GLIS3: variants seen among roughly 807,000 people sequenced by gnomAD.
GLIS3 encodes the protein GLIS family zinc finger 3, also known as zinc finger protein GLIS3.
In GLIS3, 53 loss-of-function variants were observed where a neutral mutation model predicts 78.6. That is an observed-to-expected ratio of 0.67 (90% CI 0.54 to 0.85). The LOEUF is 0.85. Among genes scored for constraint, GLIS3 ranks in the 40% least tolerant of loss-of-function variants. The pLI is 0.00. For synonymous variants in GLIS3, 684 were observed against 509.9 expected (o/e 1.34, Z -4.60); for missense variants, 1,703 against 1,231.1 (o/e 1.38, Z -5.74).
chr9:4,248,706 C>A (rs1433087496), intron 2 of GLIS3, among the ~76,000 whole-genome samples: 2 of 152,242 alleles, frequency 1.3e-5, no homozygotes, highest in African/African-American at 4.8e-5. Flanking sequence ...CTCCCACCAA[C>A]AGTGTAAAAG....
chr9:3,877,360 A>C (rs757310317), intron 8 of GLIS3, among the ~76,000 whole-genome samples: 9 of 152,242 alleles, frequency 5.9e-5, no homozygotes, highest in Non-Finnish European at 1.2e-4. Context: ...TGCTTTGCTG[A>C]CAGATCTTGT....
At chr9:4,420,410 T>G in the GLIS3 span, among the ~76,000 whole-genome samples, 1 of 152,322 alleles carries the variant, frequency 6.6e-6, no homozygotes, top group African/African-American at 2.4e-5. Flanking sequence ...AATTAGATGA[T>G]TATCTAGCTA....
At chr9:3,854,165 A>G (rs1029409396) in intron 9 of GLIS3, among the ~76,000 whole-genome samples, 1 of 152,194 alleles carries the variant, frequency 6.6e-6, no homozygotes. Flanking sequence ...CAGAGTAGAT[A>G]AACTCCTCGA....
At chr9:4,300,161 A>C (rs1817000940), upstream of GLIS3, among the ~76,000 whole-genome samples, 1 of 151,190 alleles carries the variant, frequency 6.6e-6, no homozygotes, top group African/African-American at 2.4e-5. Flanking sequence ...GCGGGTCACT[A>C]GGCTGGCCAA....
intron 2 of GLIS3, among the ~76,000 whole-genome samples, chr9:4,252,911 G>C (rs976556323): frequency 6.6e-6 from 1 of 152,186 alleles, no homozygotes; most frequent in African/African-American, 2.4e-5. Flanking sequence ...CTCCACTCCA[G>C]ACCCTGTTTG....
intron 4 of GLIS3, among the ~76,000 whole-genome samples, chr9:4,045,954 G>A (rs890806527): frequency 1.3e-5 from 2 of 152,024 alleles, no homozygotes; most frequent in African/African-American, 2.4e-5. Context: ...AGATCGGGGG[G>A]GAAATCATAA....
At chr9:4,205,550 G>A (rs1371211595) in intron 2 of GLIS3, among the ~76,000 whole-genome samples, 2 of 152,224 alleles carry the variant, frequency 1.3e-5, no homozygotes, top group African/African-American at 4.8e-5. Context: ...TGCTATAAGA[G>A]AGGAAAGTCT....
chr9:4,011,271 T>G (rs1253394659), intron 4 of GLIS3, among the ~76,000 whole-genome samples: 2 of 152,144 alleles, frequency 1.3e-5, no homozygotes, highest in Non-Finnish European at 2.9e-5. Flanking sequence ...GAATCGGGTT[T>G]GTAAGAGTCA....
Position 3,948,212 on chromosome 9 carries a change from C to G in GLIS3, c.1711-11023G>C, listed in dbSNP as rs144803062. Among the ~76,000 whole-genome samples the G allele has an allele frequency of 2.1e-3, 314 of 152,366 alleles. 1 individual carries two copies. The highest frequency in any genetic ancestry group is 7.2e-3 in the African/African-American group (299 of 41,582). On this transcript the variant is annotated intron_variant, in intron 4 of 10. Coordinates refer to ENST00000381971, the MANE Select transcript of GLIS3 (RefSeq NM_001042413.2). Reference sequence around the variant, plus strand: ...CATAGCTTTCCCATCACAAGCCTAGCTGGCACACAGCAGGGACTCAGAAAA... The same window carrying G: ...CATAGCTTTCCCATCACAAGCCTAGGTGGCACACAGCAGGGACTCAGAAAA...
chr9:4,223,596 A>G (rs1287469337), intron 2 of GLIS3, among the ~76,000 whole-genome samples: 1 of 152,062 alleles, frequency 6.6e-6, no homozygotes, highest in East Asian at 1.9e-4. Context: ...TCGGCCTCTA[A>G]AACACCACGT....
rs1827978515 is a variant in GLIS3 at position 4,286,203 on chromosome 9, C to T, written c.223G>A (p.Ala75Thr). 6.2e-7 allele frequency: 1 copy of T among 1,614,106 alleles called. No homozygotes were observed. Among genetic ancestry groups the T allele is most frequent in the Non-Finnish European group, 8.5e-7 (1 of 1,180,048 alleles). Residue 75 changes from alanine (A) to threonine (T), a missense_variant, in exon 2 of 11, where the codon GCT becomes ACT. Ala to Thr is a moderately conservative substitution (Grantham distance 58). Coordinates refer to ENST00000381971, the MANE Select transcript of GLIS3 (RefSeq NM_001042413.2). ...GCAGGCAGATGGATGCGGCTCTCAG[C>T]CACGTTGTTCTGAGGAGCCATCCCT... ...GGGMAPQNNV[A>T]ESRIHLPALS...
At chr9:4,473,799 T>C in the GLIS3 span, among the ~76,000 whole-genome samples, 6 of 151,824 alleles carry the variant, frequency 4.0e-5, no homozygotes, top group Non-Finnish European at 8.8e-5. Flanking sequence ...TAAAAATAAA[T>C]AAATAAAAAT....
intron 2 of GLIS3, among the ~76,000 whole-genome samples, chr9:4,340,329 G>A (rs1817816570): frequency 7.6e-6 from 1 of 132,160 alleles, no homozygotes; most frequent in Non-Finnish European, 1.6e-5. Flanking sequence ...TCCTTTATTT[G>A]CCATGACTGA....
chr9:4,032,513 T>C (rs1823927372), intron 4 of GLIS3, among the ~76,000 whole-genome samples: 1 of 152,166 alleles, frequency 6.6e-6, no homozygotes, highest in Non-Finnish European at 1.5e-5. Flanking sequence ...CTGACAAATA[T>C]ATTTAGAGAT....
At chr9:3,895,330 C>CAAAA (rs1015337869) in intron 7 of GLIS3, among the ~76,000 whole-genome samples, 1 of 152,156 alleles carries the variant, frequency 6.6e-6, no homozygotes, top group Non-Finnish European at 1.5e-5. Context: ...AACCTTTGAA[C>CAAAA]AAAAGGGCAA....
chr9:4,135,274 GGCAAATAAT>G (rs1833319651), intron 2 of GLIS3, among the ~76,000 whole-genome samples: 1 of 151,922 alleles, frequency 6.6e-6, no homozygotes, highest in South Asian at 2.1e-4. Flanking sequence ...TGCTTTAAAA[GGCAAATAAT>G]GCAAAGTTAT....
chr9:4,208,314 T>C (rs1433907150), intron 2 of GLIS3, among the ~76,000 whole-genome samples: 2 of 152,204 alleles, frequency 1.3e-5, no homozygotes, highest in Non-Finnish European at 2.9e-5. Flanking sequence ...ACTCCTGTTT[T>C]AAATCTCGAG....
At chr9:4,184,126 A>G (rs1817566460) in intron 2 of GLIS3, among the ~76,000 whole-genome samples, 1 of 152,244 alleles carries the variant, frequency 6.6e-6, no homozygotes, top group Middle Eastern at 3.2e-3. Context: ...AAAGGAAATA[A>G]TATTTACATA....
the GLIS3 span, among the ~76,000 whole-genome samples, chr9:4,389,004 A>G: frequency 1.1e-4 from 17 of 152,170 alleles, no homozygotes; most frequent in African/African-American, 3.9e-4. Context: ...TTTTAAGGGG[A>G]TTCTATATAC....
Sources: allele counts gnomAD v4.1 joint callset (sites outside exome capture counted in the v4.1 genomes callset), GRCh38; gene constraint gnomAD v4.1.1; transcripts MANE v1.5; gene names NCBI Gene and HGNC (gene_info 2026-07-23, HGNC 2026-07-21).